Variants in TBC1D5 observed in about 807,000 individuals in gnomAD.
The protein encoded by TBC1D5 is TBC1 domain family, member 5.
Under a neutral mutation model 100.3 loss-of-function variants are expected in TBC1D5, and 75 were observed. The ratio of observed to expected loss-of-function variants is 0.75; its 90% CI spans 0.62 to 0.91. The LOEUF (loss-of-function observed/expected upper bound fraction) is 0.91, where lower values mean the gene tolerates loss of function less well. TBC1D5 is among the 40% of genes least tolerant of loss of function. TBC1D5 has a pLI of 0.00. For missense variants in TBC1D5, 910 were observed against 942.4 expected (o/e 0.97, Z 0.45); for synonymous variants, 323 against 325.6 (o/e 0.99, Z 0.09).
chr3:17,239,778 C>A (rs1274915568), intron 16 of TBC1D5, among the ~76,000 whole-genome samples: 1 of 152,122 alleles, frequency 6.6e-6, no homozygotes, highest in Non-Finnish European at 1.5e-5. Flanking sequence ...GAACAATTCC[C>A]AAATGACTCA....
intron 14 of TBC1D5, 26 bp from the exon 15 acceptor site, chr3:17,292,027 G>A: frequency 6.4e-7 from 1 of 1,566,274 alleles, no homozygotes; most frequent in African/African-American, 1.4e-5. Flanking sequence ...AAATAATTCA[G>A]ATGCAATACT....
intron 14 of TBC1D5, among the ~76,000 whole-genome samples, chr3:17,299,943 G>C (rs187428810): frequency 6.6e-6 from 1 of 151,562 alleles, no homozygotes; most frequent in Non-Finnish European, 1.5e-5. Context: ...CTGGGGGAGT[G>C]GGTATATGCA....
intron 1 of TBC1D5, among the ~76,000 whole-genome samples, chr3:17,649,536 G>A (rs747940710): frequency 2.0e-5 from 3 of 152,100 alleles, no homozygotes; most frequent in Non-Finnish European, 4.4e-5. Context: ...ACAAACATAT[G>A]AAAAAGTGCT....
chr3:17,622,442 T>C (rs754551497), intron 2 of TBC1D5, among the ~76,000 whole-genome samples: 26 of 152,224 alleles, frequency 1.7e-4, no homozygotes, highest in Non-Finnish European at 3.4e-4. Context: ...CGTAGCAATA[T>C]TGGAAAGTAT....
chr3:17,455,542 G>T (rs2095063877), intron 3 of TBC1D5, among the ~76,000 whole-genome samples: 1 of 147,296 alleles, frequency 6.8e-6, no homozygotes, highest in Admixed American at 6.7e-5. Context: ...GTGTGTGTGT[G>T]TGTATATATA....
chr3:17,343,163 GT>G (rs984825670), intron 13 of TBC1D5, among the ~76,000 whole-genome samples: 172 of 152,258 alleles, frequency 1.1e-3, no homozygotes, highest in African/African-American at 3.9e-3. Flanking sequence ...TTTATTGAGA[GT>G]TTTTAGCATG....
intron 2 of TBC1D5, among the ~76,000 whole-genome samples, chr3:17,513,263 C>T (rs942097585): frequency 6.6e-6 from 1 of 151,150 alleles, no homozygotes; most frequent in African/African-American, 2.4e-5. Flanking sequence ...ACCCGGGAGG[C>T]AGAGGTTGCA....
intron 3 of TBC1D5, among the ~76,000 whole-genome samples, chr3:17,472,360 G>A (rs1483656961): frequency 2.6e-5 from 4 of 151,928 alleles, no homozygotes; most frequent in African/African-American, 7.3e-5. Context: ...GGATGGTCTC[G>A]ATCTCTTGAC....
At chr3:17,381,640 C>T (rs2152195856) in intron 9 of TBC1D5, among the ~76,000 whole-genome samples, 1 of 152,024 alleles carries the variant, frequency 6.6e-6, no homozygotes, top group South Asian at 2.1e-4. Flanking sequence ...CTATTTGCTC[C>T]CAAAAGAATT....
At chr3:17,264,995 TA>T (rs1172513218) in intron 15 of TBC1D5, among the ~76,000 whole-genome samples, 2 of 152,210 alleles carry the variant, frequency 1.3e-5, no homozygotes, top group Non-Finnish European at 2.9e-5. Context: ...ACAGGCATTA[TA>T]TTTTTTAAAG....
intron 18 of TBC1D5, among the ~76,000 whole-genome samples, chr3:17,194,427 T>G (rs1185910441): frequency 6.6e-6 from 1 of 152,216 alleles, no homozygotes; most frequent in Non-Finnish European, 1.5e-5. Flanking sequence ...GCTCTATTAT[T>G]CTATTTAGAG....
intron 2 of TBC1D5, among the ~76,000 whole-genome samples, chr3:17,520,172 T>G (rs1198638828): frequency 6.6e-6 from 1 of 152,216 alleles, no homozygotes; most frequent in African/African-American, 2.4e-5. Flanking sequence ...TACAGAATGA[T>G]GAGGAAACAG....
chr3:17,630,995 G>C (rs1405049482), intron 1 of TBC1D5, among the ~76,000 whole-genome samples: 2 of 144,106 alleles, frequency 1.4e-5, no homozygotes, highest in African/African-American at 2.6e-5. Flanking sequence ...AGTGAGCCGA[G>C]ATGGCACCAC....
At chr3:17,632,058 A>C (rs62248279) in intron 1 of TBC1D5, among the ~76,000 whole-genome samples, 3,448 of 152,346 alleles carry the variant, frequency 0.023, 51 homozygotes, top group Middle Eastern at 0.061. Flanking sequence ...AAGTCAATTG[A>C]AACCTTCTGG....
chr3:17,659,736 A>T (rs375269676), intron 1 of TBC1D5, among the ~76,000 whole-genome samples: 1 of 152,148 alleles, frequency 6.6e-6, no homozygotes, highest in South Asian at 2.1e-4. Flanking sequence ...ATTTGCTCCA[A>T]TATTACCTGA....
intron 1 of TBC1D5, among the ~76,000 whole-genome samples, chr3:17,668,943 G>A (rs1312187728): frequency 6.6e-6 from 1 of 152,058 alleles, no homozygotes; most frequent in African/African-American, 2.4e-5. Flanking sequence ...CACAACCCAG[G>A]GCAAGTAGTT....
At position 17,557,987 on chromosome 3, in the gene TBC1D5, C is replaced by T. The variant is rs189976562; in HGVS notation, c.-35-49382G>A. Reference sequence around the variant, plus strand: ...AATTTTCATGATGCAAAACCTATCTCTTGTGGATTAGAGTAACCCATATGC... The same window carrying T: ...AATTTTCATGATGCAAAACCTATCTTTTGTGGATTAGAGTAACCCATATGC... On this transcript the variant is annotated intron_variant, in intron 2 of 21. Transcript: ENST00000253692. 4.3e-4 allele frequency among the ~76,000 whole-genome samples: 66 copies of T among 152,246 alleles called. 2 individuals are homozygous for T. The highest frequency in any genetic ancestry group is 3.8e-4 in the Non-Finnish European group (26 of 68,006).
intron 3 of TBC1D5, among the ~76,000 whole-genome samples, chr3:17,505,384 T>C (rs1377765960): frequency 1.3e-5 from 2 of 152,164 alleles, no homozygotes; most frequent in African/African-American, 2.4e-5. Flanking sequence ...GATTGGAAGC[T>C]TCCTAAGGCC....
At chr3:17,472,010 A>G (rs970606921) in intron 3 of TBC1D5, among the ~76,000 whole-genome samples, 75 of 152,334 alleles carry the variant, frequency 4.9e-4, no homozygotes, top group African/African-American at 1.7e-3. Flanking sequence ...TAAGTAAACT[A>G]TAACAGTTTC....
Sources: gnomAD v4.1 joint callset for allele counts (sites outside exome capture counted in the v4.1 genomes callset) on GRCh38, gnomAD v4.1.1 for gene constraint, MANE v1.5 for transcripts, NCBI Gene and HGNC (gene_info 2026-07-23, HGNC 2026-07-21) for gene names.